The following PKHD1 variants were observed in gnomAD, a reference collection of about 807,000 sequenced individuals.
The protein encoded by PKHD1 is fibrocystin.
In PKHD1, 291 loss-of-function variants were observed where a neutral mutation model predicts 412.0. The ratio of observed to expected loss-of-function variants is 0.71; its 90% CI spans 0.64 to 0.78. The LOEUF is 0.78. Among genes scored for constraint, PKHD1 ranks in the 30% least tolerant of loss-of-function variants. The pLI is 0.00. For missense variants in PKHD1, 4,825 were observed against 4,950.7 expected (o/e 0.97, Z 0.76); for synonymous variants, 1,777 against 1,821.5 (o/e 0.98, Z 0.62).
At chr6:51,725,819 G>A (rs918427179) in intron 60 of PKHD1, among the ~76,000 whole-genome samples, 24 of 152,202 alleles carry the variant, frequency 1.6e-4, no homozygotes, top group African/African-American at 5.8e-4. Flanking sequence ...TTGCAGGGTT[G>A]TGCTAGGGGG....
chr6:51,880,781 A>G (rs1163692758), intron 46 of PKHD1, among the ~76,000 whole-genome samples: 1 of 8,604 alleles, frequency 1.2e-4, no homozygotes, highest in East Asian at 6.6e-3. Flanking sequence ...AAAAAAATTA[A>G]AAAAAAAAAA....
chr6:51,766,615 A>ATTTTTTTCTTTTTTTTTTTT (rs1789067419), intron 55 of PKHD1, among the ~76,000 whole-genome samples: 1 of 150,932 alleles, frequency 6.6e-6, no homozygotes, highest in Admixed American at 6.6e-5. Context: ...TGGTGTATTC[A>ATTTTTTTCTTTTTTTTTTTT]TATTTTTATT....
intron 55 of PKHD1, among the ~76,000 whole-genome samples, chr6:51,757,384 T>C (rs1056728670): frequency 3.3e-5 from 5 of 152,110 alleles, no homozygotes; most frequent in Non-Finnish European, 5.9e-5. Flanking sequence ...TGAACACTAA[T>C]GCAAATTTAA....
In PKHD1 at chr6:51,648,067, C is replaced by T; in HGVS notation, c.11362G>A (p.Ala3788Thr). The T allele has an allele frequency of 6.2e-7, 1 of 1,609,448 alleles. No homozygotes were observed. Among genetic ancestry groups the T allele is most frequent in the Non-Finnish European group, 8.5e-7 (1 of 1,175,752 alleles). ...GPPSEPWTISASLEGASDSVL... is the reference protein window; with the variant it reads ...GPPSEPWTISTSLEGASDSVL... ...GAGTCTGATGCTCCTTCCAGGGAAG[C>T]TGAAATTGTCCATGGCTCTGAAGGA... Residue 3788 changes from alanine (A) to threonine (T), a missense_variant, in exon 63 of 67, where the codon GCT becomes ACT. Physicochemically the swap from Ala to Thr is moderately conservative, Grantham distance 58. Transcript: ENST00000371117.
intron 60 of PKHD1, chr6:51,721,263 T>C (rs1303377912): frequency 1.1e-6 from 1 of 948,702 alleles, no homozygotes; most frequent in African/African-American, 1.8e-5. Context: ...ACCAATATTC[T>C]TGGTAATAAA....
chr6:51,884,383 A>T (rs1235735167), intron 45 of PKHD1, among the ~76,000 whole-genome samples: 1 of 152,172 alleles, frequency 6.6e-6, no homozygotes, highest in Non-Finnish European at 1.5e-5. Context: ...TGACATATAT[A>T]TCTATCTTTG....
intron 50 of PKHD1, among the ~76,000 whole-genome samples, chr6:51,846,733 C>G (rs1373041396): frequency 2.0e-5 from 3 of 152,128 alleles, no homozygotes; most frequent in Non-Finnish European, 4.4e-5. Context: ...TTACTTCAAC[C>G]TCATGTTAAT....
chr6:51,739,350 C>T (rs1784274571), intron 60 of PKHD1, among the ~76,000 whole-genome samples: 1 of 152,020 alleles, frequency 6.6e-6, no homozygotes, highest in Non-Finnish European at 1.5e-5. Context: ...CATCCCTCAG[C>T]CTCCTGAGTA....
chr6:51,958,287 C>T (rs1421835685), intron 36 of PKHD1, among the ~76,000 whole-genome samples: 1 of 152,060 alleles, frequency 6.6e-6, no homozygotes, highest in Non-Finnish European at 1.5e-5. Context: ...TGAGGGTTTG[C>T]CTTTCCAAAC....
intron 35 of PKHD1, among the ~76,000 whole-genome samples, chr6:52,000,179 G>A (rs547281787): frequency 5.3e-5 from 8 of 152,180 alleles, no homozygotes; most frequent in East Asian, 1.9e-4. Context: ...TTTCCATGTC[G>A]CTGGTCGAGA....
intron 11 of PKHD1, 47 bp from the exon 12 acceptor site, chr6:52,066,124 A>C: frequency 1.2e-6 from 1 of 844,504 alleles, no homozygotes; most frequent in East Asian, 2.5e-5. Flanking sequence ...AATATAGACC[A>C]GAATATGACC....
chr6:51,842,586 ACCTCCCCCCG>A (rs1770406751), intron 50 of PKHD1, among the ~76,000 whole-genome samples: 1 of 151,296 alleles, frequency 6.6e-6, no homozygotes, highest in South Asian at 2.1e-4. Context: ...ACCCTTCTCA[ACCTCCCCCCG>A]CCTCCCTCCA....
At chr6:51,702,169 T>TATAATATATAATATATTATATATAATAC (rs1562129460) in intron 60 of PKHD1, among the ~76,000 whole-genome samples, 1 of 142,616 alleles carries the variant, frequency 7.0e-6, no homozygotes, top group African/African-American at 2.7e-5. Flanking sequence ...ATATATTATA[T>TATAATATATAATATATTATATATAATAC]GTATAATATA....
chr6:51,815,539 C>G (rs746605866), intron 52 of PKHD1, among the ~76,000 whole-genome samples: 17 of 152,106 alleles, frequency 1.1e-4, no homozygotes, highest in Non-Finnish European at 2.2e-4. Flanking sequence ...GTAAAAATAA[C>G]TGGAAAAGAA....
intron 64 of PKHD1, among the ~76,000 whole-genome samples, chr6:51,637,414 A>G (rs1289070819): frequency 6.6e-6 from 1 of 152,178 alleles, no homozygotes; most frequent in Admixed American, 6.5e-5. Context: ...CAAGTATTTA[A>G]GCAATCATCC....
At chr6:51,639,999 T>C (rs999006521) in intron 63 of PKHD1, among the ~76,000 whole-genome samples, 4 of 152,186 alleles carry the variant, frequency 2.6e-5, no homozygotes, top group Admixed American at 1.3e-4. Context: ...TCTTCTGAGT[T>C]CTAAAATAAA....
At chr6:51,646,322 A>G (rs539679549) in intron 63 of PKHD1, among the ~76,000 whole-genome samples, 147 of 152,312 alleles carry the variant, frequency 9.7e-4, no homozygotes, top group African/African-American at 3.5e-3. Context: ...CCCCTTGTGC[A>G]GAGAGGAAAC....
chr6:51,643,780 C>G (rs556800701), intron 63 of PKHD1, among the ~76,000 whole-genome samples: 2 of 152,184 alleles, frequency 1.3e-5, no homozygotes, highest in Admixed American at 1.3e-4. Context: ...CTGCACCTAT[C>G]AACTCATCAC....
chr6:51,661,125 A>G (rs568676966), intron 60 of PKHD1, among the ~76,000 whole-genome samples: 8 of 152,272 alleles, frequency 5.3e-5, no homozygotes, highest in African/African-American at 1.9e-4. Flanking sequence ...GGGAATTACA[A>G]ATATCTTAGG....
Sources: gnomAD v4.1 joint callset for allele counts (sites outside exome capture counted in the v4.1 genomes callset) on GRCh38, gnomAD v4.1.1 for gene constraint, MANE v1.5 for transcripts, NCBI Gene and HGNC (gene_info 2026-07-23, HGNC 2026-07-21) for gene names.